DYM: variants seen among roughly 807,000 people sequenced by gnomAD.
The protein encoded by DYM is dymeclin, also known as dyggve-Melchior-Clausen syndrome protein.
DYM carries 78 observed loss-of-function variants against 93.1 expected under a neutral mutation model. The observed-to-expected ratio is 0.84, with a 90% CI of 0.70 to 1.01. The LOEUF (loss-of-function observed/expected upper bound fraction) is 1.01, where lower values mean the gene tolerates loss of function less well. Ranked by LOEUF, DYM falls within the 50% of genes least tolerant of loss-of-function variation. The pLI, the probability that DYM is intolerant of heterozygous loss-of-function variation, is 0.00. For synonymous variants in DYM, 321 were observed against 319.7 expected (o/e 1.00, Z -0.04); for missense variants, 789 against 845.0 (o/e 0.93, Z 0.82).
intron 8 of DYM, among the ~76,000 whole-genome samples, chr18:49,313,072 C>T (rs2061695491): frequency 6.6e-6 from 1 of 152,146 alleles, no homozygotes; most frequent in South Asian, 2.1e-4. Context: ...AAGTCCGAGA[C>T]CTGCTGGACT....
At chr18:49,281,034 A>C (rs1349651024) in intron 10 of DYM, among the ~76,000 whole-genome samples, 3 of 152,330 alleles carry the variant, frequency 2.0e-5, no homozygotes, top group East Asian at 1.9e-4. Flanking sequence ...AATGGGAGAA[A>C]ATTTTTGCAA....
intron 5 of DYM, among the ~76,000 whole-genome samples, chr18:49,376,199 A>G (rs916186139): frequency 6.6e-5 from 10 of 152,186 alleles, no homozygotes; most frequent in African/African-American, 2.4e-4. Flanking sequence ...CCCTAATACA[A>G]TAACTTTCAA....
chr18:49,292,312 A>ACAGACAGGCAGGCAGGCAGG lies in DYM; in HGVS notation c.764-5697_764-5696insCCTGCCTGCCTGCCTGTCTG, dbSNP rs1491459614. Among the ~76,000 whole-genome samples the ACAGACAGGCAGGCAGGCAGG allele has an allele frequency of 7.8e-4, 87 of 110,976 alleles. 1 individual carries two copies. Among genetic ancestry groups the ACAGACAGGCAGGCAGGCAGG allele is most frequent in the East Asian group, 6.1e-3 (23 of 3,758 alleles). The allele number at this position is 110,976 out of a possible 152,430, so 72.8% of individuals were successfully genotyped here. A position where few individuals can be genotyped will look rare whatever the true frequency, so the allele number is the denominator to read the frequency against. ...TCCACCAACACAGACAGACAGACAG[A>ACAGACAGGCAGGCAGGCAGG]CAGGCAGGCAGGCAGGCAGGCAGGC... is the stretch of plus-strand genomic sequence containing the variant. On this transcript the variant is annotated intron_variant, in intron 8 of 17. Coordinates refer to ENST00000675505, the MANE Select transcript of DYM (RefSeq NM_001353214.3).
intron 13 of DYM, among the ~76,000 whole-genome samples, chr18:49,224,438 A>G (rs2093462045): frequency 6.6e-6 from 1 of 151,990 alleles, no homozygotes; most frequent in East Asian, 1.9e-4. Context: ...AGAGAGAGAA[A>G]AGAGAAGGGG....
chr18:49,163,747 C>T lies in DYM; in HGVS notation c.1666G>A (p.Glu556Lys). ...LLSKKHNKVL[E>K]QATQSLRGSL... is the part of the protein sequence containing the mutation. ...CCTCTCAAGGACTGTGTGGCTTGTT[C>T]CAGAACTTTGTTGTGTTTTTTAGAC... is the stretch of plus-strand genomic sequence containing the variant. The change falls in exon 15 of 18, where the codon GAA (glutamate) becomes AAA (lysine). Residue 556 changes from glutamate (E) to lysine (K), a missense_variant. Physicochemically the swap from Glu to Lys is moderately conservative, Grantham distance 56. This residue lies in a region of DYM where 225 missense variants were observed against 303.0 expected (regional missense o/e 0.74). Coordinates refer to ENST00000675505, the MANE Select transcript of DYM (RefSeq NM_001353214.3). The T allele has an allele frequency of 6.2e-7, 1 of 1,612,332 alleles. No homozygotes were observed. Among genetic ancestry groups the T allele is most frequent in the Non-Finnish European group, 8.5e-7 (1 of 1,179,078 alleles).
At chr18:49,180,364 G>A (rs1034728248) in intron 14 of DYM, among the ~76,000 whole-genome samples, 1 of 151,990 alleles carries the variant, frequency 6.6e-6, no homozygotes, top group African/African-American at 2.4e-5. Flanking sequence ...TTTCATAAAT[G>A]GGAATCATAT....
At chr18:49,192,949 T>C (rs1199050064) in intron 14 of DYM, among the ~76,000 whole-genome samples, 2 of 152,174 alleles carry the variant, frequency 1.3e-5, no homozygotes, top group South Asian at 2.1e-4. Flanking sequence ...AAGCCCCAGT[T>C]AGGCAGGAAG....
chr18:49,128,735 G>A (rs559906781), intron 15 of DYM, among the ~76,000 whole-genome samples: 3 of 152,074 alleles, frequency 2.0e-5, no homozygotes, highest in Admixed American at 6.5e-5. Flanking sequence ...AAATAGAAAC[G>A]TATTCAGGGT....
chr18:49,221,296 A>T (rs1207021587), intron 13 of DYM, among the ~76,000 whole-genome samples: 5 of 152,092 alleles, frequency 3.3e-5, no homozygotes, highest in Non-Finnish European at 5.9e-5. Context: ...GAACACTTTT[A>T]CACTGTTGGT....
chr18:49,085,765 G>A (rs933142005), intron 17 of DYM, among the ~76,000 whole-genome samples: 5 of 151,802 alleles, frequency 3.3e-5, no homozygotes, highest in East Asian at 1.9e-4. Flanking sequence ...CTGCCACCGC[G>A]CCTGGCTAAT....
intron 14 of DYM, among the ~76,000 whole-genome samples, chr18:49,198,077 C>T (rs937830870): frequency 6.6e-6 from 1 of 152,134 alleles, no homozygotes; most frequent in Non-Finnish European, 1.5e-5. Flanking sequence ...AATAGTGCCA[C>T]ACATCTACAA....
chr18:49,384,322 C>CAAA (rs398032777), intron 3 of DYM, among the ~76,000 whole-genome samples: 4,092 of 65,778 alleles, frequency 0.062, 81 homozygotes, highest in East Asian at 0.19. Flanking sequence ...ACCATGTCTC[C>CAAA]AAAAAAAAAA....
chr18:49,425,055 T>C (rs1458280870), intron 2 of DYM, among the ~76,000 whole-genome samples: 1 of 152,134 alleles, frequency 6.6e-6, no homozygotes, highest in Non-Finnish European at 1.5e-5. Flanking sequence ...TTAAAGTTCA[T>C]GTAGAATCAA....
intron 15 of DYM, among the ~76,000 whole-genome samples, chr18:49,123,427 C>T (rs2082548400): frequency 6.6e-6 from 1 of 152,192 alleles, no homozygotes; most frequent in African/African-American, 2.4e-5. Flanking sequence ...TTTCTGTGTA[C>T]TCTTGCCTCC....
Position 49,282,038 on chromosome 18 carries a change from T to C in DYM, c.1084A>G (p.Ile362Val). 1 of 1,614,044 alleles carries C rather than the reference T, an allele frequency of 6.2e-7. No homozygotes were observed. Among genetic ancestry groups the C allele is most frequent in the South Asian group, 1.1e-5 (1 of 91,080 alleles). The change falls in exon 10 of 18, where the codon ATT becomes GTT. Residue 362 changes from isoleucine (I) to valine (V), a missense_variant. Transcript: ENST00000675505. ...GTGCGAGCCAACATGTATGTTCTAA[T>C]ATTACTATTTTGATGGAGCAAGGTA... Reference protein sequence around the residue: ...LYTLLHQNSNIRTYMLARTDM... With the variant: ...LYTLLHQNSNVRTYMLARTDM...
intron 8 of DYM, among the ~76,000 whole-genome samples, chr18:49,289,153 T>C (rs928094290): frequency 5.3e-5 from 8 of 152,056 alleles, no homozygotes; most frequent in Non-Finnish European, 8.8e-5. Flanking sequence ...TAAAATTCTG[T>C]TAAGTGTTCT....
At chr18:49,394,170 T>C (rs1406644756) in intron 2 of DYM, among the ~76,000 whole-genome samples, 1 of 152,222 alleles carries the variant, frequency 6.6e-6, no homozygotes, top group Non-Finnish European at 1.5e-5. Context: ...TTTTTTTAAG[T>C]GCATTTCAAC....
rs542591942 is a variant in DYM at position 49,237,425 on chromosome 18, T to A, written c.1460+19585A>T. On this transcript the variant is annotated intron_variant, in intron 13 of 17. Transcript: ENST00000675505. ...TATAAAACTTTTTTTTTAAATTGCATATACGCAAGTAGAAAATCATCTAGA... is the reference window on the plus strand; with the variant it reads ...TATAAAACTTTTTTTTTAAATTGCAAATACGCAAGTAGAAAATCATCTAGA... 2.6e-4 allele frequency among the ~76,000 whole-genome samples: 39 copies of A among 152,332 alleles called. 1 individual carries two copies. The highest frequency in any genetic ancestry group is 9.1e-4 in the African/African-American group (38 of 41,566).
intron 17 of DYM, among the ~76,000 whole-genome samples, chr18:49,073,028 T>C (rs913635286): frequency 1.3e-5 from 2 of 152,226 alleles, no homozygotes. Context: ...CATTCAGTTT[T>C]GATTTAGAGT....
Sources: allele counts gnomAD v4.1 joint callset (sites outside exome capture counted in the v4.1 genomes callset), GRCh38; gene constraint gnomAD v4.1.1; regional missense constraint gnomAD v4.1.1; transcripts MANE v1.5; gene names NCBI Gene and HGNC (gene_info 2026-07-23, HGNC 2026-07-21).